MROH2A: variants seen among roughly 807,000 people sequenced by gnomAD.
The protein encoded by MROH2A is maestro heat-like repeat-containing protein family member 2A.
In MROH2A, 174 loss-of-function variants were observed where a neutral mutation model predicts 200.4. The ratio of observed to expected loss-of-function variants is 0.87; its 90% CI spans 0.77 to 0.98. MROH2A has a LOEUF of 0.98. Among genes scored for constraint, MROH2A ranks in the 50% least tolerant of loss-of-function variants. The pLI is 0.00. For synonymous variants in MROH2A, 829 were observed against 840.4 expected (o/e 0.99, Z 0.23); for missense variants, 2,045 against 2,139.6 (o/e 0.96, Z 0.87).
Position 233,791,132 on chromosome 2 carries a change from G to C in MROH2A, c.571+1118G>C, listed in dbSNP as rs1575920534. On this transcript the variant is annotated intron_variant, in intron 5 of 41. Coordinates refer to ENST00000389758, the MANE Select transcript of MROH2A (RefSeq NM_001394639.1). Reference sequence around the variant, plus strand: ...GAGTTAAGGAGTGAGAGAGAGATGAGGGGGAGCGTCAGGCAGGGCCTTGGG... The same window carrying C: ...GAGTTAAGGAGTGAGAGAGAGATGACGGGGAGCGTCAGGCAGGGCCTTGGG... 2.6e-5 allele frequency among the ~76,000 whole-genome samples: 4 copies of C among 152,318 alleles called. No individual in the cohort carries two copies. The South Asian group carries it at 6.2e-4, about 24-fold the overall frequency.
chr2:233,803,579 G>A (rs1419132556), intron 16 of MROH2A, 91 bp downstream of exon 16: 3 of 1,395,616 alleles, frequency 2.1e-6, no homozygotes, highest in Non-Finnish European at 2.9e-6. Flanking sequence ...GAGCCCCAGG[G>A]GTATGAGGAA....
intron 5 of MROH2A, among the ~76,000 whole-genome samples, 177 bp from the exon 6 acceptor site, chr2:233,792,619 C>T (rs1701857571): frequency 6.6e-6 from 1 of 152,144 alleles, no homozygotes; most frequent in Non-Finnish European, 1.5e-5. Context: ...TTCTAGCTCA[C>T]TTTTTAATGC....
intron 35 of MROH2A, among the ~76,000 whole-genome samples, chr2:233,826,442 G>A (rs1704313589): frequency 6.6e-6 from 1 of 152,134 alleles, no homozygotes; most frequent in Admixed American, 6.5e-5. Context: ...ACTGATCTTG[G>A]ACAAACCTGA....
chr2:233,819,809 C>T (rs935990997), intron 30 of MROH2A, 93 bp from the exon 31 acceptor site: 24 of 1,360,872 alleles, frequency 1.8e-5, no homozygotes, highest in Middle Eastern at 2.0e-4. Context: ...TCCAACTGGG[C>T]CAGAGCCCTT....
chr2:233,818,188 G>C (rs940524312), intron 28 of MROH2A, 63 bp downstream of exon 28: 1 of 1,535,206 alleles, frequency 6.5e-7, no homozygotes, highest in African/African-American at 1.4e-5. Context: ...GACTCCAGGA[G>C]TATGGGCTGC....
At chr2:233,830,082 GT>G (rs1388575150) in intron 38 of MROH2A, among the ~76,000 whole-genome samples, 2 of 152,178 alleles carry the variant, frequency 1.3e-5, no homozygotes, top group African/African-American at 2.4e-5. Flanking sequence ...AGCAGATTCT[GT>G]AACTGGCAGG....
intron 3 of MROH2A, among the ~76,000 whole-genome samples, chr2:233,785,560 T>A (rs1701163686): frequency 6.6e-6 from 1 of 151,248 alleles, no homozygotes; most frequent in Non-Finnish European, 1.5e-5. Flanking sequence ...GGGGAAGCAC[T>A]AGGGTCTGTG....
intron 14 of MROH2A, among the ~76,000 whole-genome samples, chr2:233,800,977 C>T (rs1702437416): frequency 6.6e-6 from 1 of 152,166 alleles, no homozygotes; most frequent in Admixed American, 6.5e-5. Flanking sequence ...TCATCATCAT[C>T]ATAGCTACAG....
chr2:233,818,150 C>A (rs1390511691), intron 28 of MROH2A, 25 bp downstream of exon 28: 1 of 1,548,836 alleles, frequency 6.5e-7, no homozygotes, highest in African/African-American at 1.4e-5. Context: ...GACATGAGGA[C>A]CAGCTCCTCT....
At position 233,789,702 on chromosome 2, in the gene MROH2A, A is replaced by G. The variant is rs73999046; in HGVS notation, c.408+74A>G. The G allele has an allele frequency of 2.2e-3, 3,107 of 1,437,918 alleles. 71 individuals are homozygous for G. In the African/African-American group the frequency reaches 0.04, roughly 19 times the overall value. 89.1% of individuals were successfully genotyped at this position (1,437,918 alleles called of 1,614,324 possible). ...TGGGCCACGGGGGGCCTGGCCCAGG[A>G]TGCCCACAGCCCTGTGCAGTTACCT... is the stretch of plus-strand genomic sequence containing the variant. On this transcript the variant is annotated intron_variant, in intron 4 of 41. Coordinates refer to ENST00000389758, the MANE Select transcript of MROH2A (RefSeq NM_001394639.1).
chr2:233,778,856 G>T (rs576942389), intron 1 of MROH2A, among the ~76,000 whole-genome samples: 2 of 152,154 alleles, frequency 1.3e-5, no homozygotes, highest in African/African-American at 2.4e-5. Flanking sequence ...ATTATCTCAC[G>T]GTTCCACTGG....
At chr2:233,796,156 C>A in intron 10 of MROH2A, 44 bp from the exon 11 acceptor site, 3 of 1,526,812 alleles carry the variant, frequency 2.0e-6, no homozygotes, top group South Asian at 2.4e-5. Flanking sequence ...TGGGCCTGCT[C>A]TGGACCCGGT....
intron 2 of MROH2A, 61 bp from the exon 3 acceptor site, chr2:233,779,610 C>A (rs1253139382): frequency 2.0e-6 from 3 of 1,518,318 alleles, no homozygotes; most frequent in Non-Finnish European, 2.7e-6. Context: ...GCCAGGGACA[C>A]AAGGGCACCT....
intron 34 of MROH2A, 110 bp downstream of exon 34, chr2:233,823,128 T>A: frequency 1.6e-6 from 2 of 1,225,700 alleles, no homozygotes; most frequent in African/African-American, 3.0e-5. Context: ...AGGCCTTCTT[T>A]CTGGGGGAAC....
chr2:233,824,583 G>A (rs1287063426), intron 35 of MROH2A, among the ~76,000 whole-genome samples: 4 of 152,218 alleles, frequency 2.6e-5, no homozygotes, highest in Admixed American at 2.0e-4. Context: ...GCTGGAATCC[G>A]AGGGCCTGGT....
chr2:233,819,604 G>A (rs1272614094), intron 30 of MROH2A, 135 bp downstream of exon 30: 3 of 985,052 alleles, frequency 3.0e-6, no homozygotes, highest in Non-Finnish European at 4.4e-6. Context: ...TAAAGAGGAG[G>A]AGGAAACAGA....
intron 12 of MROH2A, 49 bp downstream of exon 12, chr2:233,798,899 AG>A (rs1345497378): frequency 2.2e-5 from 31 of 1,427,026 alleles, no homozygotes; most frequent in Non-Finnish European, 2.6e-5. Context: ...GGACCCTGCC[AG>A]GGAGGCAAAG....
Position 233,819,414 on chromosome 2 carries a change from C to T in MROH2A, c.3302C>T (p.Ser1101Phe), listed in dbSNP as rs1703781050. The change falls in exon 30 of 42, where the codon TCT (serine) becomes TTT (phenylalanine). Residue 1101 changes from serine to phenylalanine, a missense_variant. Physicochemically the swap from Ser to Phe is radical, Grantham distance 155. This residue lies in a region of MROH2A where 1,201 missense variants were observed against 1,311.3 expected (regional missense o/e 0.92). Transcript: ENST00000389758. ...ATGAACCTGCAGCATGACAAGGCCT[C>T]TGTCACCTGGATAGCCTTCTTCCTC... ...GAMNLQHDKA[S>F]VTWIAFFLQM... 6.4e-7 allele frequency: 1 copy of T among 1,550,610 alleles called. No individual in the cohort carries two copies. The highest frequency in any genetic ancestry group is 2.0e-5 in the Admixed American group (1 of 51,008).
chr2:233,816,871 A>G lies in MROH2A; in HGVS notation c.2947A>G (p.Ser983Gly), dbSNP rs189205984. Residue 983 changes from serine to glycine, a missense_variant, in exon 27 of 42, where the codon AGC becomes GGC. Physicochemically the swap from Ser to Gly is moderately conservative, Grantham distance 56. Around this residue, in one of 3 missense-constraint regions of MROH2A, gnomAD observed 1,201 missense variants for 1,311.3 expected, o/e 0.92. Coordinates refer to ENST00000389758, the MANE Select transcript of MROH2A (RefSeq NM_001394639.1). ...CTATCTCATGTGGATTTATGTCCACAGCACTGCTGTCTGTGTGAGTCCAGG... is the reference window on the plus strand; with the variant it reads ...CTATCTCATGTGGATTTATGTCCACGGCACTGCTGTCTGTGTGAGTCCAGG... ...HLYLMWIYVH[S>G]TAVCIHLKLG... The G allele has an allele frequency of 4.6e-4, 718 of 1,547,074 alleles. 3 individuals carry two copies. The highest frequency in any genetic ancestry group is 1.7e-4 in the Middle Eastern group (1 of 5,908).
Sources: allele counts gnomAD v4.1 joint callset (sites outside exome capture counted in the v4.1 genomes callset), GRCh38; gene constraint gnomAD v4.1.1; regional missense constraint gnomAD v4.1.1; transcripts MANE v1.5; gene names NCBI Gene and HGNC (gene_info 2026-07-23, HGNC 2026-07-21).